The following ACBD5 variants were observed in gnomAD, a reference collection of about 807,000 sequenced individuals.
ACBD5 encodes the protein acyl-CoA-binding domain-containing protein 5.
Under a neutral mutation model 71.8 loss-of-function variants are expected in ACBD5, and 40 were observed. The observed-to-expected ratio is 0.56, with a 90% confidence interval of 0.43 to 0.72. The LOEUF is 0.72. Ranked by LOEUF, ACBD5 falls within the 30% of genes least tolerant of loss-of-function variation. The probability of loss-of-function intolerance (pLI) is 0.00; values close to 1 mark genes in which losing one functional copy is unlikely to be tolerated. For synonymous variants in ACBD5, 229 were observed against 218.6 expected (o/e 1.05, Z -0.42); for missense variants, 559 against 644.5 (o/e 0.87, Z 1.44).
chr10:27,195,638 T>C lies in ACBD5; in HGVS notation c.*1792A>G, dbSNP rs762249436. On this transcript the variant is annotated 3_prime_UTR_variant, in exon 13 of 13. Coordinates refer to ENST00000396271, the MANE Select transcript of ACBD5 (RefSeq NM_145698.5). Reference sequence around the variant, plus strand: ...TAAATTCAGTTGCTTGCTTCACTTTTTCCTAAATAAATAGGGAACACTTTT... The same window carrying C: ...TAAATTCAGTTGCTTGCTTCACTTTCTCCTAAATAAATAGGGAACACTTTT... 2.7e-4 allele frequency: 115 copies of C among 422,330 alleles called. No homozygotes were observed. The highest frequency in any genetic ancestry group is 4.3e-4 in the Non-Finnish European group (94 of 217,248). 26.2% of individuals were successfully genotyped at this position (422,330 alleles called of 1,614,324 possible).
chr10:27,203,583 A>G (rs1370605939), intron 12 of ACBD5, among the ~76,000 whole-genome samples: 1 of 152,128 alleles, frequency 6.6e-6, no homozygotes, highest in Non-Finnish European at 1.5e-5. Context: ...TACTAAAAAT[A>G]CAAAAATTAG....
intron 2 of ACBD5, among the ~76,000 whole-genome samples, chr10:27,238,520 T>TA (rs1345099590): frequency 7.9e-5 from 12 of 152,198 alleles, no homozygotes; most frequent in Non-Finnish European, 1.3e-4. Context: ...ATTAGGGACT[T>TA]AAAAAATCAA....
chr10:27,208,420 T>C lies in ACBD5; in HGVS notation c.1230A>G (p.Glu410=), dbSNP rs376322028. Residue 410 remains glutamate (E), a synonymous_variant, in exon 10 of 13, where the codon GAA becomes GAG. Coordinates refer to ENST00000396271, the MANE Select transcript of ACBD5 (RefSeq NM_145698.5). ...GRGHRMQHLS[E]GTKGRQVGSG... ...TTCCCACCTGCCGGCCCTTGGTTCC[T>C]TCGCTCAAGTGTTGCATCCTATGTC... 3.1e-6 allele frequency: 5 copies of C among 1,613,966 alleles called. No individual in the cohort carries two copies. In the African/African-American group the frequency reaches 6.7e-5, roughly 22 times the overall value.
At chr10:27,227,809 T>C (rs2063278451) in intron 4 of ACBD5, among the ~76,000 whole-genome samples, 1 of 152,070 alleles carries the variant, frequency 6.6e-6, no homozygotes, top group Non-Finnish European at 1.5e-5. Context: ...GCCTCCTTAA[T>C]TCAAGTGATT....
rs778758927 is a variant in ACBD5 at position 27,196,464 on chromosome 10, A to G, written c.*966T>C. ...CTCCTGTGAAGTAGGTGTATCTAAAATAGTATACCCCGAAGGAAAAACTGA... is the reference window on the plus strand; with the variant it reads ...CTCCTGTGAAGTAGGTGTATCTAAAGTAGTATACCCCGAAGGAAAAACTGA... On this transcript the variant is annotated 3_prime_UTR_variant, in exon 13 of 13. Coordinates refer to ENST00000396271, the MANE Select transcript of ACBD5 (RefSeq NM_145698.5). 1 of 454,540 alleles carries G rather than the reference A, an allele frequency of 2.2e-6. No homozygotes were observed. The highest frequency in any genetic ancestry group is 1.6e-5 in the South Asian group (1 of 64,478). The allele number at this position is 454,540 out of a possible 1,614,324, so 28.2% of individuals were successfully genotyped here.
At chr10:27,188,696 A>G (rs530739293) in intron 13 of ACBD5, among the ~76,000 whole-genome samples, 22 of 152,316 alleles carry the variant, frequency 1.4e-4, no homozygotes, top group African/African-American at 4.8e-4. Context: ...CAGGTAAGGC[A>G]TGCTGTAATG....
intron 13 of ACBD5, among the ~76,000 whole-genome samples, chr10:27,189,355 T>C (rs1041552843): frequency 2.0e-5 from 3 of 152,190 alleles, no homozygotes; most frequent in Non-Finnish European, 4.4e-5. Flanking sequence ...AAAAAATAAT[T>C]TGTGGCTGGG....
chr10:27,187,518 G>A (rs183159152), intron 13 of ACBD5, among the ~76,000 whole-genome samples: 1 of 152,356 alleles, frequency 6.6e-6, no homozygotes, highest in East Asian at 1.9e-4. Context: ...TTGGGAGGCT[G>A]AGGCAGGCAA....
chr10:27,182,898 T>A (rs2058408824), intron 13 of ACBD5, among the ~76,000 whole-genome samples: 1 of 151,934 alleles, frequency 6.6e-6, no homozygotes, highest in Non-Finnish European at 1.5e-5. Flanking sequence ...TCCTCCCACC[T>A]CAGCCTCCCC....
chr10:27,196,599 T>C lies in ACBD5; in HGVS notation c.*831A>G, dbSNP rs1350371604. 6.6e-6 allele frequency: 3 copies of C among 453,690 alleles called. No homozygotes were observed. Among genetic ancestry groups the C allele is most frequent in the Non-Finnish European group, 1.3e-5 (3 of 226,670 alleles). The allele number at this position is 453,690 out of a possible 1,614,324, so 28.1% of individuals were successfully genotyped here. A position where few individuals can be genotyped will look rare whatever the true frequency, so the allele number is the denominator to read the frequency against. ...AAAAACAGTATAAATAAGTTTTCAT[T>C]TTATATTTCAAAGCACCCTATGAAG... On this transcript the variant is annotated 3_prime_UTR_variant, in exon 13 of 13. Transcript: ENST00000396271.
chr10:27,232,619 G>C (rs552966950), intron 3 of ACBD5, among the ~76,000 whole-genome samples: 1 of 152,052 alleles, frequency 6.6e-6, no homozygotes, highest in Non-Finnish European at 1.5e-5. Context: ...GAGCCACTGC[G>C]CCCAGCCAGC....
At chr10:27,213,477 G>A (rs2061318975) in intron 8 of ACBD5, among the ~76,000 whole-genome samples, 2 of 152,176 alleles carry the variant, frequency 1.3e-5, no homozygotes, top group Admixed American at 6.5e-5. Flanking sequence ...AAACAAACAA[G>A]CCGGGCGTGG....
downstream of ACBD5, among the ~76,000 whole-genome samples, chr10:27,190,475 C>T (rs1207024413): frequency 1.3e-5 from 2 of 152,136 alleles, no homozygotes; most frequent in Non-Finnish European, 2.9e-5. Flanking sequence ...CCTACTGCCT[C>T]CTGGAATATG....
intron 10 of ACBD5, among the ~76,000 whole-genome samples, chr10:27,207,344 T>G (rs925391106): frequency 6.6e-6 from 1 of 151,958 alleles, no homozygotes; most frequent in Non-Finnish European, 1.5e-5. Flanking sequence ...GAGATACATA[T>G]AATTTTTAAA....
At chr10:27,236,083 C>T (rs1030241677) in intron 2 of ACBD5, among the ~76,000 whole-genome samples, 1 of 144,758 alleles carries the variant, frequency 6.9e-6, no homozygotes, top group Non-Finnish European at 1.5e-5. Flanking sequence ...CACTGCACTA[C>T]AGCCTCGGTG....
chr10:27,209,269 C>T (rs1270555335), intron 9 of ACBD5, among the ~76,000 whole-genome samples: 2 of 152,036 alleles, frequency 1.3e-5, no homozygotes, highest in African/African-American at 4.8e-5. Flanking sequence ...CAGTAAAGAG[C>T]TACGTTTGCC....
rs531124377 is a variant in ACBD5 at position 27,219,951 on chromosome 10, TA to T, written c.491-95del. 1.6e-4 allele frequency: 186 copies of T among 1,137,370 alleles called. 1 individual carries two copies. The African/African-American group carries it at 2.6e-3, about 16-fold the overall frequency. The allele number at this position is 1,137,370 out of a possible 1,614,324, so 70.5% of individuals were successfully genotyped here. ...ACTAATAAAATTTACAAATAACTAA[TA>T]AAATAATTTTGAATTAAAATGTTAT... On this transcript the variant is annotated intron_variant, in intron 5 of 12. Coordinates refer to ENST00000396271, the MANE Select transcript of ACBD5 (RefSeq NM_145698.5).
intron 4 of ACBD5, among the ~76,000 whole-genome samples, chr10:27,226,567 A>G (rs905143832): frequency 2.0e-5 from 3 of 151,736 alleles, no homozygotes; most frequent in African/African-American, 7.3e-5. Flanking sequence ...AGCTTGTCCA[A>G]TCTGCAGTCC....
intron 4 of ACBD5, among the ~76,000 whole-genome samples, chr10:27,226,548 T>C (rs909062157): frequency 1.3e-5 from 2 of 151,780 alleles, no homozygotes; most frequent in South Asian, 4.2e-4. Flanking sequence ...GAAGATGTTA[T>C]CTAAACCAAG....
Sources: gnomAD v4.1 joint callset for allele counts (sites outside exome capture counted in the v4.1 genomes callset) on GRCh38, gnomAD v4.1.1 for gene constraint, MANE v1.5 for transcripts, NCBI Gene and HGNC (gene_info 2026-07-23, HGNC 2026-07-21) for gene names.